The following MARCHF1 variants were observed in gnomAD, a reference collection of about 807,000 sequenced individuals.
The protein encoded by MARCHF1 is E3 ubiquitin-protein ligase MARCHF1.
Under a neutral mutation model 54.2 loss-of-function variants are expected in MARCHF1, and 40 were observed. The observed-to-expected ratio is 0.74, with a 90% CI of 0.57 to 0.96. The LOEUF is 0.96. Ranked by LOEUF, MARCHF1 falls within the 40% of genes least tolerant of loss-of-function variation. The pLI, the probability that MARCHF1 is intolerant of heterozygous loss-of-function variation, is 0.00. For synonymous variants in MARCHF1, 236 were observed against 236.3 expected (o/e 1.00, Z 0.01); for missense variants, 586 against 656.5 (o/e 0.89, Z 1.17).
chr4:163,795,601 T>A (rs1747893724), intron 4 of MARCHF1, among the ~76,000 whole-genome samples: 1 of 152,256 alleles, frequency 6.6e-6, no homozygotes, highest in South Asian at 2.1e-4. Context: ...CATACTTTTG[T>A]AACTTTAATT....
chr4:164,027,008 C>T (rs1185095054), intron 2 of MARCHF1, among the ~76,000 whole-genome samples: 1 of 151,468 alleles, frequency 6.6e-6, no homozygotes, highest in Non-Finnish European at 1.5e-5. Flanking sequence ...AAATGAAATA[C>T]CTAGTAATAT....
intron 3 of MARCHF1, among the ~76,000 whole-genome samples, chr4:163,949,176 C>T (rs559537314): frequency 6.6e-6 from 1 of 152,322 alleles, no homozygotes; most frequent in East Asian, 1.9e-4. Flanking sequence ...AGTGAGTGAG[C>T]ATGGGGTCTG....
At chr4:164,109,063 A>C (rs1487662744) in intron 2 of MARCHF1, among the ~76,000 whole-genome samples, 1 of 152,068 alleles carries the variant, frequency 6.6e-6, no homozygotes, top group Non-Finnish European at 1.5e-5. Flanking sequence ...CAATTATTCG[A>C]CTGGGACCAT....
At chr4:163,966,856 C>A (rs1178259939) in intron 3 of MARCHF1, among the ~76,000 whole-genome samples, 2 of 152,148 alleles carry the variant, frequency 1.3e-5, no homozygotes, top group Admixed American at 6.6e-5. Flanking sequence ...CAAAAACTAG[C>A]GTGATTGTAC....
chr4:164,035,275 A>G (rs116059759), intron 2 of MARCHF1, among the ~76,000 whole-genome samples: 1,617 of 152,002 alleles, frequency 0.011, 25 homozygotes, highest in African/African-American at 0.037. Flanking sequence ...TCATTACTCT[A>G]TACCCATAGT....
intron 5 of MARCHF1, among the ~76,000 whole-genome samples, chr4:163,688,797 A>G (rs1744352081): frequency 6.6e-6 from 1 of 152,170 alleles, no homozygotes; most frequent in Admixed American, 6.5e-5. Flanking sequence ...AGAAAACTAT[A>G]ATGATGGACG....
chr4:164,138,938 T>C (rs1382433909), intron 1 of MARCHF1, among the ~76,000 whole-genome samples: 1 of 152,236 alleles, frequency 6.6e-6, no homozygotes, highest in Non-Finnish European at 1.5e-5. Context: ...ACAAAATTAT[T>C]ATAACAAAAA....
intron 8 of MARCHF1, among the ~76,000 whole-genome samples, chr4:163,569,418 T>G (rs1258535793): frequency 1.3e-5 from 2 of 152,144 alleles, no homozygotes; most frequent in Admixed American, 1.3e-4. Context: ...AAAGACACTT[T>G]GAACGAAAAT....
chr4:164,229,438 G>A (rs1045556792), intron 1 of MARCHF1, among the ~76,000 whole-genome samples: 13 of 152,140 alleles, frequency 8.5e-5, no homozygotes, highest in African/African-American at 3.1e-4. Context: ...GGGGGACTGA[G>A]GCCTTTGGCC....
intron 2 of MARCHF1, among the ~76,000 whole-genome samples, chr4:164,032,613 G>A (rs1314571000): frequency 1.3e-5 from 2 of 152,148 alleles, no homozygotes; most frequent in Non-Finnish European, 2.9e-5. Flanking sequence ...TCAGAAGCAT[G>A]TTGTTCAATT....
intron 1 of MARCHF1, among the ~76,000 whole-genome samples, chr4:164,183,432 T>G (rs72691833): frequency 0.18 from 27,464 of 152,104 alleles, 3,397 homozygotes; most frequent in Non-Finnish European, 0.27. Context: ...CCCCATTTTT[T>G]CATTTACCTT....
chr4:163,923,828 A>T (rs536799891), intron 3 of MARCHF1, among the ~76,000 whole-genome samples: 4 of 152,042 alleles, frequency 2.6e-5, no homozygotes, highest in Non-Finnish European at 4.4e-5. Flanking sequence ...CTTACAATGC[A>T]GACATAAATA....
intron 1 of MARCHF1, chr4:164,197,481 T>C: frequency 1.2e-6 from 2 of 1,613,700 alleles, no homozygotes; most frequent in Non-Finnish European, 1.7e-6. Flanking sequence ...CTGCCAATAC[T>C]TCCAGGCCCC....
intron 7 of MARCHF1, among the ~76,000 whole-genome samples, chr4:163,598,459 T>TG (rs1740842755): frequency 6.6e-6 from 1 of 152,148 alleles, no homozygotes; most frequent in African/African-American, 2.4e-5. Context: ...CATCACAGAG[T>TG]GAACATACAC....
chr4:164,016,730 G>A (rs1161839325), intron 2 of MARCHF1, among the ~76,000 whole-genome samples: 1 of 151,972 alleles, frequency 6.6e-6, no homozygotes, highest in Non-Finnish European at 1.5e-5. Context: ...GAATGAATAA[G>A]ATCTAATGCT....
At chr4:163,571,284 A>G (rs1458379029) in intron 8 of MARCHF1, among the ~76,000 whole-genome samples, 1 of 151,700 alleles carries the variant, frequency 6.6e-6, no homozygotes, top group Admixed American at 6.6e-5. Context: ...TCATTTTCCA[A>G]CTCCCTCCCT....
intron 1 of MARCHF1, among the ~76,000 whole-genome samples, chr4:164,181,409 T>A (rs1730830821): frequency 6.6e-6 from 1 of 152,156 alleles, no homozygotes; most frequent in Non-Finnish European, 1.5e-5. Flanking sequence ...ATGTCTAATT[T>A]TTAGCACACA....
chr4:164,110,121 GATACACACACAC>G (rs899466183), intron 2 of MARCHF1, among the ~76,000 whole-genome samples: 65 of 51,852 alleles, frequency 1.3e-3, no homozygotes, highest in African/African-American at 4.0e-3. Flanking sequence ...TGGAATTGGA[GATACACACACAC>G]ACACACACAC....
At chr4:164,132,034 A>G (rs2110820831) in intron 1 of MARCHF1, among the ~76,000 whole-genome samples, 1 of 152,302 alleles carries the variant, frequency 6.6e-6, no homozygotes, top group Non-Finnish European at 1.5e-5. Context: ...GAAATTAGTC[A>G]CAGAACAGCC....
Sources: gnomAD v4.1 joint callset for allele counts (sites outside exome capture counted in the v4.1 genomes callset) on GRCh38, gnomAD v4.1.1 for gene constraint, MANE v1.5 for transcripts, NCBI Gene and HGNC (gene_info 2026-07-23, HGNC 2026-07-21) for gene names.